Variants in RHOBTB1 observed in about 807,000 individuals in gnomAD.
RHOBTB1 encodes the protein Rho related BTB domain containing 1.
A neutral mutation model predicts 71.6 loss-of-function variants in RHOBTB1; 40 were observed. The ratio of observed to expected loss-of-function variants is 0.56; its 90% CI spans 0.43 to 0.73. RHOBTB1 has a LOEUF of 0.73. Among genes scored for constraint, RHOBTB1 ranks in the 30% least tolerant of loss-of-function variants. RHOBTB1 has a pLI of 0.00. For synonymous variants in RHOBTB1, 319 were observed against 334.9 expected, an observed-to-expected ratio of 0.95 and a Z score of 0.52; for missense variants, 797 against 894.0, an observed-to-expected ratio of 0.89 and a Z score of 1.38.
At chr10:60,998,856 T>A (rs1274404203) in intron 1 of RHOBTB1, among the ~76,000 whole-genome samples, 2 of 152,258 alleles carry the variant, frequency 1.3e-5, no homozygotes, top group Non-Finnish European at 2.9e-5. Flanking sequence ...TGAACTCTTC[T>A]TAGAGACTGC....
chr10:60,994,303 T>C (rs970142767), intron 1 of RHOBTB1, among the ~76,000 whole-genome samples: 2 of 152,146 alleles, frequency 1.3e-5, no homozygotes, highest in Non-Finnish European at 2.9e-5. Flanking sequence ...AATGGTAGTA[T>C]ACTACAATAA....
At chr10:60,872,987 T>C (rs1219695659) in intron 9 of RHOBTB1, among the ~76,000 whole-genome samples, 1 of 152,190 alleles carries the variant, frequency 6.6e-6, no homozygotes, top group African/African-American at 2.4e-5. Flanking sequence ...CTGACTTCCC[T>C]TCTGTTGTCT....
intron 1 of RHOBTB1, among the ~76,000 whole-genome samples, chr10:60,942,814 T>C (rs1042442767): frequency 3.9e-5 from 6 of 151,986 alleles, no homozygotes; most frequent in South Asian, 2.1e-4. Flanking sequence ...TACTATCTGC[T>C]GCTCGTCAGA....
intron 4 of RHOBTB1, among the ~76,000 whole-genome samples, chr10:60,895,320 C>CTT (rs993634731): frequency 6.6e-6 from 1 of 152,072 alleles, no homozygotes; most frequent in African/African-American, 2.4e-5. Flanking sequence ...AAAAGGTCTT[C>CTT]TTTTTTTTCA....
intron 2 of RHOBTB1, among the ~76,000 whole-genome samples, chr10:60,919,286 A>C (rs2083431250): frequency 6.6e-6 from 1 of 152,066 alleles, no homozygotes; most frequent in African/African-American, 2.4e-5. Flanking sequence ...GTGTATTCAA[A>C]GAGTTAGCCC....
rs138003466 is a variant in RHOBTB1 at position 60,955,891 on chromosome 10, A to G, written c.-61-14037T>C. On this transcript the variant is annotated intron_variant, in intron 2 of 11. Transcript: ENST00000357917. ...ATTTAAATATTTTGTTACATTTATA[A>G]CAACTTTTAATTATTAATTTTCTCA... Among the ~76,000 whole-genome samples, 84 of 152,310 alleles carry G rather than the reference A, an allele frequency of 5.5e-4. 1 individual carries two copies. The East Asian group carries it at 0.015, about 28-fold the overall frequency.
At chr10:60,981,193 A>T (rs984700301) in intron 2 of RHOBTB1, among the ~76,000 whole-genome samples, 1 of 152,192 alleles carries the variant, frequency 6.6e-6, no homozygotes, top group African/African-American at 2.4e-5. Context: ...AAAAGTACTT[A>T]ACATCATAGT....
At chr10:60,876,202 A>C (rs2081044312) in intron 8 of RHOBTB1, among the ~76,000 whole-genome samples, 1 of 152,208 alleles carries the variant, frequency 6.6e-6, no homozygotes, top group South Asian at 2.1e-4. Flanking sequence ...AAGCATTGTC[A>C]CTGTAGAAAC....
At chr10:60,902,360 A>G (rs945148981) in intron 4 of RHOBTB1, among the ~76,000 whole-genome samples, 1 of 152,222 alleles carries the variant, frequency 6.6e-6, no homozygotes. Flanking sequence ...CATAACAGCA[A>G]TAATCCACCT....
Position 60,880,177 on chromosome 10 carries a change from C to CTCTGTGTGTGTGTGTG in RHOBTB1, c.1576-2120_1576-2119insCACACACACACACAGA, listed in dbSNP as rs370670323. On this transcript the variant is annotated intron_variant, in intron 7 of 10. Transcript: ENST00000337910. ...GTCCCTCACAGATACTGAGGGATGA[C>CTCTGTGTGTGTGTGTG]TGTGTGTGTGTGTGTGTGTGTGTGT... 1.5e-3 allele frequency among the ~76,000 whole-genome samples: 155 copies of CTCTGTGTGTGTGTGTG among 100,512 alleles called. 1 individual carries two copies. The highest frequency in any genetic ancestry group is 1.9e-3 in the South Asian group (5 of 2,670). 65.9% of individuals were successfully genotyped at this position (100,512 alleles called of 152,430 possible). A position where few individuals can be genotyped will look rare whatever the true frequency, so the allele number is the denominator to read the frequency against.
intron 2 of RHOBTB1, among the ~76,000 whole-genome samples, chr10:60,939,329 G>T (rs542672628): frequency 1.3e-5 from 2 of 152,052 alleles, no homozygotes; most frequent in Non-Finnish European, 2.9e-5. Context: ...TGTCCTATGG[G>T]CACAAGAAAC....
At position 60,931,153 on chromosome 10, in the gene RHOBTB1, C is replaced by T. The variant is rs181583565; in HGVS notation, c.-11+10651G>A. On this transcript the variant is annotated intron_variant, in intron 2 of 10. Coordinates refer to ENST00000337910, the MANE Select transcript of RHOBTB1 (RefSeq NM_014836.5). ...TTTTGATTCCAAATTTTCTACAATG[C>T]ACGTCTTATTTTTTTAAAAAAATGT... Among the ~76,000 whole-genome samples, 669 of 152,262 alleles carry T rather than the reference C, an allele frequency of 4.4e-3. 2 individuals carry two copies. Among genetic ancestry groups the T allele is most frequent in the Non-Finnish European group, 7.4e-3 (501 of 68,006 alleles).
At chr10:60,988,254 A>C (rs2086737067) in intron 1 of RHOBTB1, among the ~76,000 whole-genome samples, 2 of 152,020 alleles carry the variant, frequency 1.3e-5, no homozygotes, top group African/African-American at 4.8e-5. Context: ...AACTTTTAAC[A>C]CACAGTTATA....
chr10:61,001,392 G>C (rs950719688), intron 1 of RHOBTB1: 1 of 151,216 alleles, frequency 6.6e-6, no homozygotes, highest in African/African-American at 2.4e-5. Context: ...CGCGACGCCC[G>C]CGCTACCTGG....
chr10:60,923,850 A>G (rs1209988465), intron 2 of RHOBTB1, among the ~76,000 whole-genome samples: 3 of 152,130 alleles, frequency 2.0e-5, no homozygotes, highest in Non-Finnish European at 4.4e-5. Context: ...CTCACCTTCC[A>G]CCATGATTGT....
chr10:60,863,812 C>A, the RHOBTB1 span, among the ~76,000 whole-genome samples: 1 of 152,174 alleles, frequency 6.6e-6, no homozygotes, highest in Non-Finnish European at 1.5e-5. Context: ...GAATCACAGG[C>A]ATGATCCACT....
chr10:60,877,782 C>G, intron 8 of RHOBTB1, 126 bp downstream of exon 8: 2 of 890,340 alleles, frequency 2.2e-6, no homozygotes, highest in Non-Finnish European at 1.7e-6. Context: ...TCATATCATT[C>G]TACACAAGAC....
chr10:60,894,133 A>G (rs956802362), intron 4 of RHOBTB1, among the ~76,000 whole-genome samples: 1 of 152,196 alleles, frequency 6.6e-6, no homozygotes, highest in Non-Finnish European at 1.5e-5. Context: ...CCCCCCCTAC[A>G]TATCAATGAA....
chr10:60,953,132 A>T (rs891438627), intron 2 of RHOBTB1, among the ~76,000 whole-genome samples: 1 of 152,208 alleles, frequency 6.6e-6, no homozygotes, highest in Non-Finnish European at 1.5e-5. Context: ...ATTTCAACAG[A>T]TGGAGTTATT....
Sources: gnomAD v4.1 joint callset for allele counts (sites outside exome capture counted in the v4.1 genomes callset) on GRCh38, gnomAD v4.1.1 for gene constraint, MANE v1.5 for transcripts, NCBI Gene and HGNC (gene_info 2026-07-23, HGNC 2026-07-21) for gene names.